The following FUT8 variants were observed in gnomAD, a reference collection of about 807,000 sequenced individuals.
FUT8 encodes the protein alpha-(1,6)-fucosyltransferase.
FUT8 carries 29 observed loss-of-function variants against 71.3 expected under a neutral mutation model. That is an observed-to-expected ratio of 0.41 (90% CI 0.30 to 0.55). The LOEUF (loss-of-function observed/expected upper bound fraction) is 0.55. FUT8 is among the 20% of genes least tolerant of loss of function. The pLI, the probability that FUT8 is intolerant of heterozygous loss-of-function variation, is 0.34. For synonymous variants in FUT8, 254 were observed against 239.3 expected, an observed-to-expected ratio of 1.06 and a Z score of -0.57; for missense variants, 544 against 702.1, an observed-to-expected ratio of 0.77 and a Z score of 2.55.
intron 1 of FUT8, among the ~76,000 whole-genome samples, chr14:65,447,137 A>T (rs2065754699): frequency 6.6e-6 from 1 of 152,070 alleles, no homozygotes; most frequent in Admixed American, 6.6e-5. Flanking sequence ...TACTAAAAAT[A>T]CAAAAAATTA....
intron 7 of FUT8, among the ~76,000 whole-genome samples, chr14:65,698,617 A>G (rs895874293): frequency 6.6e-6 from 1 of 152,192 alleles, no homozygotes; most frequent in African/African-American, 2.4e-5. Flanking sequence ...AACGTTTTGC[A>G]TCGTAAAGTA....
intron 9 of FUT8, 74 bp from the exon 10 acceptor site, chr14:65,733,157 C>T: frequency 1.1e-6 from 1 of 890,258 alleles, no homozygotes; most frequent in African/African-American, 1.7e-5. Context: ...AGCTCTTAGT[C>T]AAAGGAGAAA....
intron 3 of FUT8, among the ~76,000 whole-genome samples, chr14:65,583,026 A>T (rs1242864536): frequency 6.6e-6 from 1 of 152,208 alleles, no homozygotes; most frequent in Non-Finnish European, 1.5e-5. Context: ...TATATAAATC[A>T]TAAACATTTT....
chr14:65,443,930 T>G (rs1047197723), intron 1 of FUT8, among the ~76,000 whole-genome samples: 1 of 152,164 alleles, frequency 6.6e-6, no homozygotes, highest in Non-Finnish European at 1.5e-5. Flanking sequence ...AGAAGTAACT[T>G]GACAAGCTTT....
chr14:65,699,179 C>T (rs896765927), intron 7 of FUT8, among the ~76,000 whole-genome samples: 30 of 151,562 alleles, frequency 2.0e-4, no homozygotes, highest in Admixed American at 1.8e-3. Flanking sequence ...CACACACACA[C>T]ACACACACAC....
At chr14:65,677,157 CGCGCAT>C (rs1440578596) in intron 7 of FUT8, among the ~76,000 whole-genome samples, 89 of 34,452 alleles carry the variant, frequency 2.6e-3, no homozygotes, top group African/African-American at 6.3e-3. Flanking sequence ...TGTGTGCGCG[CGCGCAT>C]GCGCGCGCAC....
chr14:65,603,852 C>T lies in FUT8; in HGVS notation c.204-12126C>T, dbSNP rs1337075416. Reference sequence around the variant, plus strand: ...GGATTCGAATTCACAAACCAAGCATCTGCTGCCTTCACCTAAAACATAAGG... The same window carrying T: ...GGATTCGAATTCACAAACCAAGCATTTGCTGCCTTCACCTAAAACATAAGG... On this transcript the variant is annotated intron_variant, in intron 3 of 10. Transcript: ENST00000673929. This position sits in a 1 kb window ranked among gnomAD's most constrained non-coding sequence, Gnocchi z 4.5. Among the ~76,000 whole-genome samples, 3 of 151,780 alleles carry T rather than the reference C, an allele frequency of 2.0e-5. No homozygotes were observed. The highest frequency in any genetic ancestry group is 4.4e-5 in the Non-Finnish European group (3 of 67,886).
chr14:65,716,382 C>A (rs1442050664), intron 7 of FUT8, among the ~76,000 whole-genome samples: 1 of 143,848 alleles, frequency 7.0e-6, no homozygotes, highest in East Asian at 2.0e-4. Flanking sequence ...CTTCTTTGTC[C>A]CTTTTTTTTT....
intron 3 of FUT8, among the ~76,000 whole-genome samples, chr14:65,615,139 T>TA (rs1188112705): frequency 1.6e-4 from 25 of 152,356 alleles, no homozygotes; most frequent in African/African-American, 5.5e-4. Flanking sequence ...CTCTGCTGCC[T>TA]ACACTAGAAT....
intron 6 of FUT8, among the ~76,000 whole-genome samples, chr14:65,630,271 T>C (rs1185656518): frequency 1.3e-5 from 2 of 152,198 alleles, no homozygotes; most frequent in Admixed American, 1.3e-4. Flanking sequence ...AATGTTATTA[T>C]AACAAATAGA....
the FUT8 span, among the ~76,000 whole-genome samples, chr14:65,368,282 T>C: frequency 7.2e-6 from 1 of 138,026 alleles, no homozygotes; most frequent in Non-Finnish European, 1.6e-5. Flanking sequence ...CTTGACCTCC[T>C]GACCTTGTGA....
intron 2 of FUT8, among the ~76,000 whole-genome samples, chr14:65,480,503 A>T (rs2066314253): frequency 6.6e-6 from 1 of 151,412 alleles, no homozygotes; most frequent in Admixed American, 6.6e-5. Context: ...TTTTGTAGAG[A>T]CAGGTTTCAT....
chr14:65,667,826 TACCATGTATCACCATACCAA>T (rs1461773190), intron 6 of FUT8, among the ~76,000 whole-genome samples: 1 of 152,064 alleles, frequency 6.6e-6, no homozygotes, highest in Non-Finnish European at 1.5e-5. Flanking sequence ...ATGGTACCCA[TACCATGTATCACCATACCAA>T]ACAGCATGGT....
Position 65,467,271 on chromosome 14 carries a change from TA to T in FUT8, c.-228+11554del, listed in dbSNP as rs1434022659. Among the ~76,000 whole-genome samples, 3 of 152,122 alleles carry T rather than the reference TA, an allele frequency of 2.0e-5. No individual in the cohort carries two copies. In the East Asian group the frequency reaches 5.8e-4, roughly 29 times the overall value. On this transcript the variant is annotated intron_variant, in intron 2 of 10. Coordinates refer to ENST00000673929, the MANE Select transcript of FUT8 (RefSeq NM_001371533.1). The surrounding 1 kb of genome is among the most constrained non-coding windows in gnomAD (Gnocchi z 4.1). ...GGCATTCTAGTTTGGTATTTTATTT[TA>T]TTTTTTTTAACAGCCCAGAGGTCTT...
chr14:65,507,538 A>C (rs1180790691), intron 2 of FUT8, among the ~76,000 whole-genome samples: 2 of 152,220 alleles, frequency 1.3e-5, no homozygotes, highest in Non-Finnish European at 2.9e-5. Context: ...TCCCACAAAT[A>C]AGTGAGAACA....
chr14:65,358,333 A>G, the FUT8 span, among the ~76,000 whole-genome samples: 1 of 152,332 alleles, frequency 6.6e-6, no homozygotes, highest in African/African-American at 2.4e-5. Context: ...TGAATTATAA[A>G]TAAATTAATA....
chr14:65,390,184 A>T, the FUT8 span, among the ~76,000 whole-genome samples: 7 of 150,712 alleles, frequency 4.6e-5, no homozygotes, highest in African/African-American at 1.5e-4. Context: ...AATAATATTT[A>T]TATATATATG....
At chr14:65,362,910 T>C in the FUT8 span, among the ~76,000 whole-genome samples, 4 of 137,674 alleles carry the variant, frequency 2.9e-5, no homozygotes, top group African/African-American at 1.1e-4. Context: ...TGCAGTGAGC[T>C]GAGTTTGCGC....
rs572745893 is a variant in FUT8, at chr14:65,524,579, C to T, written c.-227-36758C>T. Among the ~76,000 whole-genome samples the T allele has an allele frequency of 3.4e-4, 52 of 152,192 alleles. No individual in the cohort carries two copies. In the South Asian group the frequency reaches 5.4e-3, roughly 16 times the overall value. On this transcript the variant is annotated intron_variant, in intron 2 of 10. Coordinates refer to ENST00000673929, the MANE Select transcript of FUT8 (RefSeq NM_001371533.1). ...ATGCCCTTTATTTCTTTCACCTGCC[C>T]GATTGCCCTGGCCAGAACTTCCAAC...
Sources: allele counts gnomAD v4.1 joint callset (sites outside exome capture counted in the v4.1 genomes callset), GRCh38; gene constraint gnomAD v4.1.1; non-coding constraint Gnocchi (gnomAD v3.1); transcripts MANE v1.5; gene names NCBI Gene and HGNC (gene_info 2026-07-23, HGNC 2026-07-21).